MYO1C: variants seen among roughly 807,000 people sequenced by gnomAD.
MYO1C encodes the protein myosin IC.
Under a neutral mutation model 150.8 loss-of-function variants are expected in MYO1C, and 104 were observed. The ratio of observed to expected loss-of-function variants is 0.69; its 90% CI spans 0.59 to 0.81. The LOEUF (loss-of-function observed/expected upper bound fraction) is 0.81. Among genes scored for constraint, MYO1C ranks in the 30% least tolerant of loss-of-function variants. The probability of loss-of-function intolerance (pLI) is 0.00; values close to 1 mark genes in which losing one functional copy is unlikely to be tolerated. For missense variants in MYO1C, 1,504 were observed against 1,435.0 expected, an observed-to-expected ratio of 1.05 and a Z score of -0.78; for synonymous variants, 663 against 579.9, an observed-to-expected ratio of 1.14 and a Z score of -2.06.
chr17:1,484,496 G>T, intron 1 of MYO1C, 193 bp from the exon 2 acceptor site: 1 of 661,224 alleles, frequency 1.5e-6, no homozygotes, highest in Non-Finnish European at 2.6e-6. Context: ...CGGAAAGCCG[G>T]GTGTGGAGGG....
rs1359700173 is a variant in MYO1C at position 1,471,553 on chromosome 17, G to GA, written c.2022-218dup. 2.6e-5 allele frequency among the ~76,000 whole-genome samples: 4 copies of GA among 152,086 alleles called. No homozygotes were observed. In the East Asian group the frequency reaches 7.7e-4, roughly 29 times the overall value. On this transcript the variant is annotated intron_variant, in intron 19 of 31. Coordinates refer to ENST00000648651, the MANE Select transcript of MYO1C (RefSeq NM_001080779.2). ...AAGTGGCAGAGATGAAATTCAGTTTGACCCCCCAGGCCCCCGACTCAGAAG... is the reference window on the plus strand; with the variant it reads ...AAGTGGCAGAGATGAAATTCAGTTTGAACCCCCCAGGCCCCCGACTCAGAAG...
At chr17:1,486,836 A>AG (rs1007391995) in intron 1 of MYO1C, 2 of 152,258 alleles carry the variant, frequency 1.3e-5, no homozygotes, top group African/African-American at 2.4e-5. Context: ...CCTGCTTTGA[A>AG]GGGGGCCTCC....
At chr17:1,471,474 C>A in intron 19 of MYO1C, 138 bp from the exon 20 acceptor site, 1 of 732,852 alleles carries the variant, frequency 1.4e-6, no homozygotes, top group South Asian at 1.5e-5. Flanking sequence ...GGTCACTGCC[C>A]CCATTTTAAA....
chr17:1,478,402 G>T lies in MYO1C; in HGVS notation c.1295+8C>A. 1 of 1,614,106 alleles carries T rather than the reference G, an allele frequency of 6.2e-7. No individual in the cohort carries two copies. Among genetic ancestry groups the T allele is most frequent in the African/African-American group, 1.3e-5 (1 of 75,056 alleles). Reference sequence around the variant, plus strand: ...CGGGAGGAGAGACGGGGGAAAGATGGCACCGACCTGTTATGCTGAAACACT... The same window carrying T: ...CGGGAGGAGAGACGGGGGAAAGATGTCACCGACCTGTTATGCTGAAACACT... On this transcript the variant is annotated splice_region_variant and intron_variant, in intron 11 of 31. Coordinates refer to ENST00000648651, the MANE Select transcript of MYO1C (RefSeq NM_001080779.2). The surrounding 1 kb of genome is among the most constrained non-coding windows in gnomAD (Gnocchi z 6.3).
intron 1 of MYO1C, among the ~76,000 whole-genome samples, chr17:1,490,507 C>G (rs1436432400): frequency 6.6e-6 from 1 of 151,938 alleles, no homozygotes; most frequent in East Asian, 1.9e-4. Flanking sequence ...CAAAACAAAA[C>G]AAAACAACAA....
Position 1,465,707 on chromosome 17 carries a change from G to T in MYO1C, c.*19C>A, listed in dbSNP as rs779681383. 4.5e-6 allele frequency: 6 copies of T among 1,327,406 alleles called. No individual in the cohort carries two copies. The highest frequency in any genetic ancestry group is 5.8e-6 in the Non-Finnish European group (6 of 1,028,762). 82.2% of individuals were successfully genotyped at this position (1,327,406 alleles called of 1,614,324 possible). The stretch of plus-strand genomic sequence containing the variant: ...AAAGCAAAGCATTGGGCGTTGGGAG[G>T]GTCCAGTGGGCGCCTTTATCACCGA... On this transcript the variant is annotated 3_prime_UTR_variant, in exon 32 of 32. Coordinates refer to ENST00000648651, the MANE Select transcript of MYO1C (RefSeq NM_001080779.2).
chr17:1,478,170 A>G lies in MYO1C; in HGVS notation c.1318T>C (p.Tyr440His). The G allele has an allele frequency of 6.2e-7, 1 of 1,613,962 alleles. No individual in the cohort carries two copies. The highest frequency in any genetic ancestry group is 8.5e-7 in the Non-Finnish European group (1 of 1,180,024). ...AGCTGCTGCAGCTTCTCGTTGCAGTAATTGATGCAGAACTGCTCAAAGCTG... is the reference window on the plus strand; with the variant it reads ...AGCTGCTGCAGCTTCTCGTTGCAGTGATTGATGCAGAACTGCTCAAAGCTG... Reference protein sequence around the residue: ...HNSFEQFCINYCNEKLQQLFI... With the variant: ...HNSFEQFCINHCNEKLQQLFI... The change falls in exon 12 of 32, where the codon TAC (tyrosine) becomes CAC (histidine). Residue 440 changes from tyrosine (Y) to histidine (H), a missense_variant. Physicochemically the swap from Tyr to His is moderately conservative, Grantham distance 83 (BLOSUM62 2). Transcript: ENST00000648651. This position sits in a 1 kb window ranked among gnomAD's most constrained non-coding sequence, Gnocchi z 6.3.
Position 1,470,652 on chromosome 17 carries a change from C to G in MYO1C, c.2250G>C (p.Trp750Cys), listed in dbSNP as rs1373521695. The G allele has an allele frequency of 1.2e-6, 2 of 1,610,652 alleles. No individual in the cohort carries two copies. The highest frequency in any genetic ancestry group is 2.2e-5 in the South Asian group (2 of 90,910). Residue 750 changes from tryptophan to cysteine, a missense_variant, in exon 22 of 32, where the codon TGG (tryptophan) becomes TGC (cysteine). By Grantham distance (215) the Trp-to-Cys change is radical. Coordinates refer to ENST00000648651, the MANE Select transcript of MYO1C (RefSeq NM_001080779.2). ...KIQAAWRGFH[W>C]RQKFLRVKRS... is the part of the protein sequence containing the mutation. The stretch of plus-strand genomic sequence containing the variant: ...TCTTCACCCGGAGGAATTTCTGCCG[C>G]CAGTGAAAGCCCCTCCAGGCAGCTT...
intron 31 of MYO1C, 73 bp downstream of exon 31, chr17:1,467,169 C>A: frequency 7.0e-7 from 1 of 1,427,354 alleles, no homozygotes; most frequent in South Asian, 1.2e-5. Flanking sequence ...GGTGCCTGGG[C>A]TCTGCCAAGC....
chr17:1,475,645 G>C (rs983649749), intron 14 of MYO1C, among the ~76,000 whole-genome samples: 5 of 152,246 alleles, frequency 3.3e-5, no homozygotes. Context: ...TTTCAGAATG[G>C]AATCTGCTGC....
At chr17:1,483,753 T>C (rs1180826584) in intron 2 of MYO1C, 28 bp from the exon 3 acceptor site, 1 of 1,554,542 alleles carries the variant, frequency 6.4e-7, no homozygotes, top group South Asian at 1.2e-5. Context: ...GGGTCCAAAG[T>C]TTATCCCGGG....
chr17:1,467,458 C>A, intron 30 of MYO1C, 22 bp downstream of exon 30: 1 of 1,611,300 alleles, frequency 6.2e-7, no homozygotes, highest in South Asian at 1.1e-5. Context: ...CGCCCTGTCC[C>A]CGGGGGCCGC....
chr17:1,474,774 T>TCCCCCCCCCCCCCCCCG, intron 16 of MYO1C, 38 bp downstream of exon 16: 4 of 1,597,378 alleles, frequency 2.5e-6, no homozygotes, highest in Non-Finnish European at 3.4e-6. Context: ...CTGTGGGCTA[T>TCCCCCCCCCCCCCCCCG]CCCCACCCCC....
At position 1,484,309 on chromosome 17, in the gene MYO1C, G is replaced by A; in HGVS notation, c.76-6C>T. The A allele has an allele frequency of 6.2e-7, 1 of 1,608,834 alleles. No homozygotes were observed. The highest frequency in any genetic ancestry group is 8.5e-7 in the Non-Finnish European group (1 of 1,180,000). ...ACCCCGTCACTGCCCAGGGCCTGCA[G>A]AGAATGGGCCACAGAAGAGGGTCAG... is the stretch of plus-strand genomic sequence containing the variant. On this transcript the variant is annotated splice_polypyrimidine_tract_variant and splice_region_variant and intron_variant, in intron 1 of 31. Coordinates refer to ENST00000648651, the MANE Select transcript of MYO1C (RefSeq NM_001080779.2).
Position 1,465,115 on chromosome 17 carries a change from A to G in MYO1C, c.*611T>C, listed in dbSNP as rs2074144224. 6.6e-6 allele frequency: 1 copy of G among 152,526 alleles called. No individual in the cohort carries two copies. Among genetic ancestry groups the G allele is most frequent in the Non-Finnish European group, 1.5e-5 (1 of 68,044 alleles). 9.4% of individuals were successfully genotyped at this position (152,526 alleles called of 1,614,324 possible). A position where few individuals can be genotyped will look rare whatever the true frequency, so the allele number is the denominator to read the frequency against. The stretch of plus-strand genomic sequence containing the variant: ...GCGTGAGCCACCATGCCCAGCCTAA[A>G]AGGACATTCTTAAGGCAGAAAGAAG... On this transcript the variant is annotated 3_prime_UTR_variant, in exon 32 of 32. Transcript: ENST00000648651.
Position 1,478,566 on chromosome 17 carries a change from G to A in MYO1C, c.1212+50C>T, listed in dbSNP as rs374765331. ...CCCACCCTGCAGCACCCCCCGCCTCGCCGACGGCCCTCCCTTCTGCCTTGG... is the reference window on the plus strand; with the variant it reads ...CCCACCCTGCAGCACCCCCCGCCTCACCGACGGCCCTCCCTTCTGCCTTGG... On this transcript the variant is annotated intron_variant, in intron 10 of 31. Transcript: ENST00000648651. This position sits in a 1 kb window ranked among gnomAD's most constrained non-coding sequence, Gnocchi z 6.3. 2.2e-5 allele frequency: 35 copies of A among 1,613,790 alleles called. No individual in the cohort carries two copies. The African/African-American group carries it at 3.7e-4, about 17-fold the overall frequency.
At chr17:1,487,299 C>T (rs2074674456) in intron 1 of MYO1C, among the ~76,000 whole-genome samples, 1 of 152,258 alleles carries the variant, frequency 6.6e-6, no homozygotes, top group Non-Finnish European at 1.5e-5. Flanking sequence ...CTGCAGGCAC[C>T]TGCCTCCTCC....
Position 1,472,181 on chromosome 17 carries a change from C to A in MYO1C, c.1845G>T (p.Leu615=), listed in dbSNP as rs779207521. The change falls in exon 18 of 32, where the codon CTG becomes CTT. Residue 615 remains leucine, a synonymous_variant. Transcript: ENST00000648651. ...GGACGTAGGCGGGCTCCTTAGACTGCAGGATCTCCACCAGCTGCAGGAGGC... is the reference window on the plus strand; with the variant it reads ...GGACGTAGGCGGGCTCCTTAGACTGAAGGATCTCCACCAGCTGCAGGAGGC... The part of the protein sequence containing the change: ...KMSLLQLVEI[L]QSKEPAYVRC... 6.2e-7 allele frequency: 1 copy of A among 1,614,206 alleles called. No individual in the cohort carries two copies. Among genetic ancestry groups the A allele is most frequent in the South Asian group, 1.1e-5 (1 of 91,088 alleles).
In MYO1C at chr17:1,478,329, C is replaced by G. The variant is rs2074442584; in HGVS notation, c.1295+81G>C. On this transcript the variant is annotated intron_variant, in intron 11 of 31. Coordinates refer to ENST00000648651, the MANE Select transcript of MYO1C (RefSeq NM_001080779.2). The surrounding 1 kb of genome is among the most constrained non-coding windows in gnomAD (Gnocchi z 6.3). ...CCCGGCTGGCTGGGGAGTCACAGGGCAGGAATGAGAGGCTGGAGGACAGAA... is the reference window on the plus strand; with the variant it reads ...CCCGGCTGGCTGGGGAGTCACAGGGGAGGAATGAGAGGCTGGAGGACAGAA... 3 of 1,585,822 alleles carry G rather than the reference C, an allele frequency of 1.9e-6. No individual in the cohort carries two copies. The highest frequency in any genetic ancestry group is 2.6e-6 in the Non-Finnish European group (3 of 1,154,724).
Sources: allele counts gnomAD v4.1 joint callset (sites outside exome capture counted in the v4.1 genomes callset), GRCh38; gene constraint gnomAD v4.1.1; non-coding constraint Gnocchi (gnomAD v3.1); transcripts MANE v1.5; gene names NCBI Gene and HGNC (gene_info 2026-07-23, HGNC 2026-07-21).